TMEM65: variants seen among roughly 807,000 people sequenced by gnomAD.
TMEM65 encodes the protein transmembrane protein 65.
A neutral mutation model predicts 25.4 loss-of-function variants in TMEM65; 22 were observed. The ratio of observed to expected loss-of-function variants is 0.86; its 90% CI spans 0.62 to 1.23. The LOEUF (loss-of-function observed/expected upper bound fraction) is 1.23, where lower values mean the gene tolerates loss of function less well. Ranked by LOEUF, TMEM65 falls within the 50% of genes most tolerant of loss-of-function variation. The pLI, the probability that TMEM65 is intolerant of heterozygous loss-of-function variation, is 0.00. For missense variants in TMEM65, 262 were observed against 308.2 expected (o/e 0.85, Z 1.12); for synonymous variants, 132 against 126.2 (o/e 1.05, Z -0.31).
intron 1 of TMEM65, among the ~76,000 whole-genome samples, chr8:124,362,057 A>AT (rs1814872471): frequency 6.6e-6 from 1 of 151,322 alleles, no homozygotes; most frequent in African/African-American, 2.4e-5. Context: ...CGCTCAGCTA[A>AT]TTTTTTGTAC....
rs1020186808 is a variant in TMEM65 at position 124,308,592 on chromosome 8, T to TAAAC, written c.*5367_*5368insGTTT. ...TTGTAGATATGTCAAATTAAATAAA[T>TAAAC]AAATAAATGGTGGAGGGTAGAAAGT... On this transcript the variant is annotated 3_prime_UTR_variant, in exon 7 of 7. Coordinates refer to ENST00000297632, the MANE Select transcript of TMEM65 (RefSeq NM_194291.3). The TAAAC allele has an allele frequency of 8.5e-5, 13 of 152,106 alleles. No individual in the cohort carries two copies. The highest frequency in any genetic ancestry group is 1.8e-4 in the Non-Finnish European group (12 of 67,978). 9.4% of individuals were successfully genotyped at this position (152,106 alleles called of 1,614,324 possible).
intron 4 of TMEM65, among the ~76,000 whole-genome samples, chr8:124,322,728 T>C (rs1339427188): frequency 6.6e-6 from 1 of 152,028 alleles, no homozygotes; most frequent in Non-Finnish European, 1.5e-5. Flanking sequence ...CTGGGCGTGG[T>C]GGCTCACATC....
chr8:124,363,369 A>T (rs1201209741), intron 1 of TMEM65, among the ~76,000 whole-genome samples: 2 of 152,184 alleles, frequency 1.3e-5, no homozygotes, highest in Non-Finnish European at 2.9e-5. Flanking sequence ...AGTCCTAATT[A>T]TGGTGATTAT....
At position 124,355,150 on chromosome 8, in the gene TMEM65, G is replaced by A. The variant is rs189575111; in HGVS notation, c.304+16704C>T. Among the ~76,000 whole-genome samples, 82 of 152,044 alleles carry A rather than the reference G, an allele frequency of 5.4e-4. No individual in the cohort carries two copies. The Middle Eastern group carries it at 0.014, about 25-fold the overall frequency. ...GGCAAAAAGAACACATCTCTTACAC[G>A]GCATTTATTTCTCAAATGTGATTGT... is the stretch of plus-strand genomic sequence containing the variant. On this transcript the variant is annotated intron_variant, in intron 1 of 6. Transcript: ENST00000297632.
intron 4 of TMEM65, among the ~76,000 whole-genome samples, chr8:124,323,074 A>T (rs1266601290): frequency 1.3e-5 from 2 of 152,104 alleles, no homozygotes; most frequent in African/African-American, 4.8e-5. Context: ...ATTGCCAGAA[A>T]ATCTTGTCTT....
At chr8:124,347,283 T>C (rs1814650225) in intron 1 of TMEM65, among the ~76,000 whole-genome samples, 1 of 152,218 alleles carries the variant, frequency 6.6e-6, no homozygotes, top group South Asian at 2.1e-4. Flanking sequence ...TATATATGTC[T>C]TACGTAAAAC....
At chr8:124,359,754 G>GA (rs1328076943) in intron 1 of TMEM65, among the ~76,000 whole-genome samples, 1 of 151,682 alleles carries the variant, frequency 6.6e-6, no homozygotes, top group Non-Finnish European at 1.5e-5. Context: ...AAAAAAAAAG[G>GA]AAAAAGACTA....
At chr8:124,329,207 T>C (rs1814403271) in intron 2 of TMEM65, among the ~76,000 whole-genome samples, 1 of 151,526 alleles carries the variant, frequency 6.6e-6, no homozygotes, top group Non-Finnish European at 1.5e-5. Context: ...AATTAAAGAG[T>C]CTAGCCTTAG....
At chr8:124,370,508 T>C (rs2131235649) in intron 1 of TMEM65, among the ~76,000 whole-genome samples, 1 of 152,338 alleles carries the variant, frequency 6.6e-6, no homozygotes, top group African/African-American at 2.4e-5. Flanking sequence ...TGATTGCATA[T>C]AACATCATGA....
chr8:124,356,396 C>A (rs1249482176), intron 1 of TMEM65, among the ~76,000 whole-genome samples: 4 of 152,156 alleles, frequency 2.6e-5, no homozygotes, highest in Non-Finnish European at 5.9e-5. Flanking sequence ...TTTCTCTCTA[C>A]ACCAGTAACA....
intron 1 of TMEM65, among the ~76,000 whole-genome samples, chr8:124,331,249 TGAA>T (rs932947414): frequency 4.0e-5 from 6 of 151,538 alleles, no homozygotes; most frequent in Non-Finnish European, 3.0e-5. Flanking sequence ...ATCTTTAAAA[TGAA>T]GAAAATATTT....
At chr8:124,355,147 C>T (rs1427332391) in intron 1 of TMEM65, among the ~76,000 whole-genome samples, 1 of 151,998 alleles carries the variant, frequency 6.6e-6, no homozygotes, top group Non-Finnish European at 1.5e-5. Flanking sequence ...ACATCTCTTA[C>T]ACGGCATTTA....
intron 4 of TMEM65, among the ~76,000 whole-genome samples, chr8:124,322,531 T>C (rs988638318): frequency 8.5e-5 from 13 of 152,264 alleles, no homozygotes; most frequent in African/African-American, 2.9e-4. Context: ...ATTTACCTAA[T>C]GCTTTCTACA....
At chr8:124,350,197 T>G (rs969174573) in intron 1 of TMEM65, among the ~76,000 whole-genome samples, 2 of 151,854 alleles carry the variant, frequency 1.3e-5, no homozygotes, top group Non-Finnish European at 2.9e-5. Context: ...CTAAAGTTCT[T>G]ACAGCTTAGT....
intron 1 of TMEM65, among the ~76,000 whole-genome samples, chr8:124,349,275 C>T (rs1025843494): frequency 5.9e-5 from 9 of 152,096 alleles, no homozygotes; most frequent in Non-Finnish European, 1.2e-4. Context: ...AGCTAAAATA[C>T]TAATATCCTT....
In TMEM65 at chr8:124,310,027, A is replaced by C. The variant is rs536156835; in HGVS notation, c.*3933T>G. On this transcript the variant is annotated 3_prime_UTR_variant, in exon 7 of 7. Coordinates refer to ENST00000297632, the MANE Select transcript of TMEM65 (RefSeq NM_194291.3). Reference sequence around the variant, plus strand: ...ATACAAAAAAATTAGGCTCGGTGGCACGTGACTGTAATCCCAGCTACTCAG... The same window carrying C: ...ATACAAAAAAATTAGGCTCGGTGGCCCGTGACTGTAATCCCAGCTACTCAG... The C allele has an allele frequency of 3.3e-5, 5 of 152,388 alleles. No homozygotes were observed. Among genetic ancestry groups the C allele is most frequent in the African/African-American group, 1.2e-4 (5 of 41,568 alleles). The allele number at this position is 152,388 out of a possible 1,614,324, so 9.4% of individuals were successfully genotyped here. A position where few individuals can be genotyped will look rare whatever the true frequency, so the allele number is the denominator to read the frequency against.
Position 124,355,344 on chromosome 8 carries a change from C to T in TMEM65, c.304+16510G>A, listed in dbSNP as rs116411728. 7.4e-3 allele frequency among the ~76,000 whole-genome samples: 1,125 copies of T among 152,238 alleles called. 10 individuals are homozygous for T. The highest frequency in any genetic ancestry group is 0.026 in the African/African-American group (1,062 of 41,540). On this transcript the variant is annotated intron_variant, in intron 1 of 6. Coordinates refer to ENST00000297632, the MANE Select transcript of TMEM65 (RefSeq NM_194291.3). ...CAAAATGTACCACATCTTATATTAT[C>T]ATTATCACATTTGCCTATTTTCTTT...
In TMEM65 at chr8:124,313,725, ACTG is replaced by A. The variant is rs922395939; in HGVS notation, c.*232_*234del. 5 of 429,532 alleles carry A rather than the reference ACTG, an allele frequency of 1.2e-5. No homozygotes were observed. Among genetic ancestry groups the A allele is most frequent in the South Asian group, 7.0e-5 (2 of 28,380 alleles). The allele number at this position is 429,532 out of a possible 1,614,324, so 26.6% of individuals were successfully genotyped here. On this transcript the variant is annotated 3_prime_UTR_variant, in exon 7 of 7. Coordinates refer to ENST00000297632, the MANE Select transcript of TMEM65 (RefSeq NM_194291.3). ...TATAAAAAGAAAGGATAAAATGTTG[ACTG>A]CTATTGATGAAAAAGCATTTCAACA...
intron 5 of TMEM65, among the ~76,000 whole-genome samples, chr8:124,320,692 T>C (rs112272957): frequency 3.0e-4 from 45 of 152,318 alleles, no homozygotes; most frequent in African/African-American, 9.4e-4. Flanking sequence ...CAATCTCAAG[T>C]ATTTTATCAA....
Sources: gnomAD v4.1 joint callset for allele counts (sites outside exome capture counted in the v4.1 genomes callset) on GRCh38, gnomAD v4.1.1 for gene constraint, MANE v1.5 for transcripts, NCBI Gene and HGNC (gene_info 2026-07-23, HGNC 2026-07-21) for gene names.